NLGN1: variants seen among roughly 807,000 people sequenced by gnomAD.
NLGN1 encodes the protein neuroligin-1.
A neutral mutation model predicts 65.5 loss-of-function variants in NLGN1; 12 were observed. That is an observed-to-expected ratio of 0.18 (90% CI 0.12 to 0.30). The LOEUF (loss-of-function observed/expected upper bound fraction) is 0.30. NLGN1 is among the 10% of genes least tolerant of loss of function. The probability of loss-of-function intolerance (pLI) is 1.00; values close to 1 mark genes in which losing one functional copy is unlikely to be tolerated. For synonymous variants in NLGN1, 350 were observed against 359.5 expected (o/e 0.97, Z 0.30); for missense variants, 750 against 1,007.1 (o/e 0.74, Z 3.46).
At chr3:174,268,165 A>G (rs1314137706) in intron 4 of NLGN1, among the ~76,000 whole-genome samples, 1 of 152,182 alleles carries the variant, frequency 6.6e-6, no homozygotes, top group Non-Finnish European at 1.5e-5. Context: ...CCGCACAATC[A>G]AAGCAATTAG....
At chr3:174,154,128 A>G (rs1403472489) in intron 4 of NLGN1, among the ~76,000 whole-genome samples, 2 of 152,118 alleles carry the variant, frequency 1.3e-5, no homozygotes, top group East Asian at 3.9e-4. Flanking sequence ...AATCAGGAAG[A>G]CATCTAGAAC....
chr3:174,124,648 C>T (rs1159665643), intron 4 of NLGN1, among the ~76,000 whole-genome samples: 3 of 145,740 alleles, frequency 2.1e-5, no homozygotes, highest in Non-Finnish European at 4.5e-5. Flanking sequence ...TATATAAGTA[C>T]ATACTTATAT....
intron 3 of NLGN1, among the ~76,000 whole-genome samples, chr3:173,781,709 G>T (rs577372725): frequency 1.5e-3 from 226 of 152,254 alleles, no homozygotes; most frequent in Non-Finnish European, 2.6e-3. Context: ...GGATTTGTAG[G>T]ACAAATATGT....
At chr3:173,681,349 TTC>T (rs761593714) in intron 3 of NLGN1, among the ~76,000 whole-genome samples, 1 of 152,228 alleles carries the variant, frequency 6.6e-6, no homozygotes, top group Non-Finnish European at 1.5e-5. Flanking sequence ...CTGTTAGCTG[TTC>T]TCACTCTTCT....
intron 4 of NLGN1, among the ~76,000 whole-genome samples, chr3:174,172,457 T>A (rs1728722226): frequency 6.7e-6 from 1 of 149,344 alleles, no homozygotes; most frequent in African/African-American, 2.6e-5. Flanking sequence ...AAGGTCTTAG[T>A]TTTAAGTTTT....
chr3:173,837,814 C>T (rs549762329), intron 4 of NLGN1, among the ~76,000 whole-genome samples: 99 of 152,174 alleles, frequency 6.5e-4, no homozygotes, highest in Non-Finnish European at 1.2e-3. Context: ...TGCATGTGGC[C>T]ATGGGGAATG....
chr3:174,268,761 C>A (rs1748765905), intron 4 of NLGN1, among the ~76,000 whole-genome samples: 1 of 152,026 alleles, frequency 6.6e-6, no homozygotes, highest in Non-Finnish European at 1.5e-5. Flanking sequence ...TCATCTTCTT[C>A]TTTCCCACTG....
At chr3:173,672,355 A>G in intron 3 of NLGN1, among the ~76,000 whole-genome samples, 1 of 152,210 alleles carries the variant, frequency 6.6e-6, no homozygotes, top group Admixed American at 6.5e-5. Context: ...GAGGCAGTAG[A>G]TGGTTGCTAT....
At chr3:173,702,340 C>G (rs956388630) in intron 3 of NLGN1, among the ~76,000 whole-genome samples, 2 of 151,896 alleles carry the variant, frequency 1.3e-5, no homozygotes, top group African/African-American at 4.8e-5. Flanking sequence ...TACTTCACGA[C>G]AAGAATTTAT....
intron 4 of NLGN1, among the ~76,000 whole-genome samples, chr3:173,972,499 G>A (rs547982379): frequency 6.6e-6 from 1 of 152,254 alleles, no homozygotes; most frequent in African/African-American, 2.4e-5. Flanking sequence ...TCCCAAAGAA[G>A]TGTGAGTGGA....
At chr3:174,277,183 C>T (rs1205790399) in intron 5 of NLGN1, among the ~76,000 whole-genome samples, 3 of 151,886 alleles carry the variant, frequency 2.0e-5, no homozygotes, top group African/African-American at 7.2e-5. Context: ...ACTAAGCTGC[C>T]TGATTTTACC....
At position 174,032,311 on chromosome 3, in the gene NLGN1, G is replaced by A. The variant is rs186388081; in HGVS notation, c.646+224479G>A. 3.5e-3 allele frequency among the ~76,000 whole-genome samples: 538 copies of A among 152,264 alleles called. 3 individuals are homozygous for A. Among genetic ancestry groups the A allele is most frequent in the Middle Eastern group, 0.014 (4 of 294 alleles). ...GGAAATCTTTTAAAAGGATCTTAAAGTATTACATTGAAAAATACTAGACCA... is the reference window on the plus strand; with the variant it reads ...GGAAATCTTTTAAAAGGATCTTAAAATATTACATTGAAAAATACTAGACCA... On this transcript the variant is annotated intron_variant, in intron 4 of 6. Coordinates refer to ENST00000457714, the Ensembl canonical transcript of NLGN1.
chr3:174,219,896 T>G (rs1467367243), intron 4 of NLGN1, among the ~76,000 whole-genome samples: 1 of 152,030 alleles, frequency 6.6e-6, no homozygotes, highest in East Asian at 1.9e-4. Flanking sequence ...TGCAGTTCAG[T>G]TTTTCCAGAT....
At chr3:174,283,135 A>AAAAAG (rs1453395051) in exon 7 of NLGN1, 2 of 151,856 alleles carry the variant, frequency 1.3e-5, no homozygotes, top group East Asian at 3.9e-4. Context: ...AAAAAAGAAA[A>AAAAAG]AAAAGAAAAA....
At chr3:173,486,640 C>A (rs551276355) in intron 2 of NLGN1, among the ~76,000 whole-genome samples, 1 of 152,268 alleles carries the variant, frequency 6.6e-6, no homozygotes, top group Non-Finnish European at 1.5e-5. Context: ...TTAGGACAGG[C>A]ATTATTTAGC....
At position 174,133,893 on chromosome 3, in the gene NLGN1, AAC is replaced by A. The variant is rs5854553; in HGVS notation, c.647-141390_647-141389del. Among the ~76,000 whole-genome samples, 601 of 144,894 alleles carry A rather than the reference AAC, an allele frequency of 4.1e-3. 3 individuals carry two copies. Among genetic ancestry groups the A allele is most frequent in the African/African-American group, 0.014 (565 of 39,252 alleles). On this transcript the variant is annotated intron_variant, in intron 4 of 6. Coordinates refer to ENST00000457714, the Ensembl canonical transcript of NLGN1. ...ATCTCTCCCCCACCACACCCCACAAAACACACACACACACACACACACACACA... is the reference window on the plus strand; with the variant it reads ...ATCTCTCCCCCACCACACCCCACAAAACACACACACACACACACACACACA...
chr3:173,611,290 G>A (rs1343776413), intron 3 of NLGN1, among the ~76,000 whole-genome samples: 1 of 152,026 alleles, frequency 6.6e-6, no homozygotes, highest in Non-Finnish European at 1.5e-5. Context: ...CTTTCCAGAT[G>A]TAGAAATGGA....
At chr3:174,046,467 G>T (rs1030286909) in intron 4 of NLGN1, among the ~76,000 whole-genome samples, 1 of 151,888 alleles carries the variant, frequency 6.6e-6, no homozygotes, top group Non-Finnish European at 1.5e-5. Context: ...AGAGCTTCTG[G>T]GATTTGCTCT....
At chr3:173,691,951 C>A (rs1294535637) in intron 3 of NLGN1, among the ~76,000 whole-genome samples, 1 of 152,006 alleles carries the variant, frequency 6.6e-6, no homozygotes, top group African/African-American at 2.4e-5. Flanking sequence ...AAATTGACTG[C>A]ACAATGCATC....
Sources: gnomAD v4.1 joint callset for allele counts (sites outside exome capture counted in the v4.1 genomes callset) on GRCh38, gnomAD v4.1.1 for gene constraint, MANE v1.5 for transcripts, NCBI Gene and HGNC (gene_info 2026-07-23, HGNC 2026-07-21) for gene names.